DENND5B: variants seen among roughly 807,000 people sequenced by gnomAD.
DENND5B encodes the protein DENN domain-containing protein 5B.
In DENND5B, 34 loss-of-function variants were observed where a neutral mutation model predicts 140.6. The ratio of observed to expected loss-of-function variants is 0.24; its 90% CI spans 0.18 to 0.32. The LOEUF (loss-of-function observed/expected upper bound fraction) is 0.32. Among genes scored for constraint, DENND5B ranks in the 10% least tolerant of loss-of-function variants. The pLI is 1.00. For missense variants in DENND5B, 1,142 were observed against 1,560.2 expected, an observed-to-expected ratio of 0.73 and a Z score of 4.52; for synonymous variants, 551 against 562.1, an observed-to-expected ratio of 0.98 and a Z score of 0.28.
At chr12:31,562,159 G>A (rs1468187435) in intron 1 of DENND5B, among the ~76,000 whole-genome samples, 2 of 152,096 alleles carry the variant, frequency 1.3e-5, no homozygotes, top group African/African-American at 4.8e-5. Context: ...CTAGAAGTCA[G>A]AAAGACATGC....
At chr12:31,507,182 C>CT (rs145264306) in intron 1 of DENND5B, among the ~76,000 whole-genome samples, 142 of 145,094 alleles carry the variant, frequency 9.8e-4, no homozygotes, top group South Asian at 1.1e-3. Context: ...AGACAAATTC[C>CT]TTTTTTTTTT....
intron 2 of DENND5B, among the ~76,000 whole-genome samples, chr12:31,485,930 A>G (rs1946288697): frequency 6.6e-6 from 1 of 152,242 alleles, no homozygotes; most frequent in Non-Finnish European, 1.5e-5. Context: ...GAGCTTTCAG[A>G]TGATTTCAGT....
intron 1 of DENND5B, among the ~76,000 whole-genome samples, chr12:31,498,529 A>AACC (rs1390994771): frequency 1.3e-5 from 2 of 152,202 alleles, no homozygotes; most frequent in East Asian, 1.9e-4. Flanking sequence ...AGAAAAGCAA[A>AACC]ACCACCACCA....
At chr12:31,567,580 T>C (rs1374720030) in intron 1 of DENND5B, among the ~76,000 whole-genome samples, 1 of 144,366 alleles carries the variant, frequency 6.9e-6, no homozygotes, top group Non-Finnish European at 1.5e-5. Context: ...TCAAATCTCG[T>C]CCCAGTTTAA....
intron 3 of DENND5B, among the ~76,000 whole-genome samples, chr12:31,476,774 G>A (rs1200325880): frequency 6.6e-6 from 1 of 152,064 alleles, no homozygotes; most frequent in Non-Finnish European, 1.5e-5. Context: ...GGGCAACACA[G>A]TGAGACCCCA....
chr12:31,406,878 C>A (rs1942151668), intron 14 of DENND5B, among the ~76,000 whole-genome samples: 1 of 152,098 alleles, frequency 6.6e-6, no homozygotes, highest in Non-Finnish European at 1.5e-5. Flanking sequence ...TGGCTCACTG[C>A]AACCTCTGCC....
intron 1 of DENND5B, among the ~76,000 whole-genome samples, chr12:31,556,920 G>A (rs1592046133): frequency 6.6e-6 from 1 of 152,246 alleles, no homozygotes; most frequent in East Asian, 1.9e-4. Context: ...AAAAATGTGT[G>A]CAAAGATTTT....
chr12:31,572,183 C>A (rs1949847980), intron 1 of DENND5B, among the ~76,000 whole-genome samples: 1 of 151,728 alleles, frequency 6.6e-6, no homozygotes, highest in Admixed American at 6.6e-5. Flanking sequence ...GAGATCACAA[C>A]ACTGCACTCC....
rs1271194530 is a variant in DENND5B at position 31,421,883 on chromosome 12, C to G, written c.2470+1714G>C. ...ACTATTTTTTTAACAGAAAAACTGGCAGAGAAGATGGACACTAGAGAATGC... is the reference window on the plus strand; with the variant it reads ...ACTATTTTTTTAACAGAAAAACTGGGAGAGAAGATGGACACTAGAGAATGC... On this transcript the variant is annotated intron_variant, in intron 11 of 20. Coordinates refer to ENST00000389082, the MANE Select transcript of DENND5B (RefSeq NM_144973.4). Among the ~76,000 whole-genome samples the G allele has an allele frequency of 3.3e-5, 5 of 152,052 alleles. No individual in the cohort carries two copies. The East Asian group carries it at 9.6e-4, about 29-fold the overall frequency.
chr12:31,453,460 C>G (rs1451372580), intron 4 of DENND5B, among the ~76,000 whole-genome samples: 7 of 152,146 alleles, frequency 4.6e-5, no homozygotes, highest in African/African-American at 1.7e-4. Context: ...AGACTTCAAA[C>G]AGTATTTAAC....
At chr12:31,496,256 GA>G (rs994966734) in intron 1 of DENND5B, among the ~76,000 whole-genome samples, 5 of 152,156 alleles carry the variant, frequency 3.3e-5, no homozygotes, top group African/African-American at 1.2e-4. Context: ...CTTCAGAAAA[GA>G]AAAGTCTTAC....
At chr12:31,451,273 T>C (rs1166188917) in intron 5 of DENND5B, among the ~76,000 whole-genome samples, 2 of 152,146 alleles carry the variant, frequency 1.3e-5, no homozygotes, top group African/African-American at 4.8e-5. Context: ...TAAACAGTAT[T>C]AACAGATTTG....
intron 2 of DENND5B, among the ~76,000 whole-genome samples, chr12:31,493,723 C>T (rs143665008): frequency 3.3e-5 from 5 of 151,888 alleles, no homozygotes; most frequent in African/African-American, 9.7e-5. Context: ...CTCAGCTACT[C>T]GGGAGGCTGA....
chr12:31,431,115 T>C (rs566593576), intron 8 of DENND5B, among the ~76,000 whole-genome samples: 1 of 152,354 alleles, frequency 6.6e-6, no homozygotes, highest in Admixed American at 6.5e-5. Context: ...TCTTCTGAGA[T>C]TACTACTGTG....
chr12:31,432,120 T>C lies in DENND5B; in HGVS notation c.2106+1035A>G, dbSNP rs552981223. The C allele has an allele frequency of 3.0e-6, 3 of 985,110 alleles. No homozygotes were observed. The African/African-American group carries it at 5.2e-5, about 17-fold the overall frequency. The allele number at this position is 985,110 out of a possible 1,614,324, so 61.0% of individuals were successfully genotyped here. ...CCCTGGTCCCACTCCCAGAATGCCA[T>C]GGAGTTCTGACAGACCAAAAGTTCC... On this transcript the variant is annotated intron_variant, in intron 8 of 20. Transcript: ENST00000389082.
At chr12:31,542,640 A>G (rs1258467353) in intron 1 of DENND5B, among the ~76,000 whole-genome samples, 1 of 152,190 alleles carries the variant, frequency 6.6e-6, no homozygotes, top group Non-Finnish European at 1.5e-5. Context: ...TACATCTGCT[A>G]TGTATCCACA....
intron 1 of DENND5B, among the ~76,000 whole-genome samples, chr12:31,578,146 A>AC (rs1950086931): frequency 6.6e-6 from 1 of 151,516 alleles, no homozygotes; most frequent in Non-Finnish European, 1.5e-5. Flanking sequence ...AAAAAAAAAA[A>AC]AAAAACTACA....
chr12:31,403,261 C>T (rs562799462), intron 14 of DENND5B, among the ~76,000 whole-genome samples: 9 of 152,298 alleles, frequency 5.9e-5, no homozygotes, highest in East Asian at 3.9e-4. Context: ...GTGACTCACA[C>T]GCAAGAGGAG....
rs371190076 is a variant in DENND5B at position 31,424,650 on chromosome 12, G to A, written c.2276C>T (p.Ala759Val). 6.2e-6 allele frequency: 10 copies of A among 1,613,726 alleles called. No individual in the cohort carries two copies. Among genetic ancestry groups the A allele is most frequent in the South Asian group, 2.2e-5 (2 of 91,074 alleles). The change falls in exon 10 of 21, where the codon GCG becomes GTG. Residue 759 changes from alanine to valine, a missense_variant. By Grantham distance (64) the Ala-to-Val change is moderately conservative. Coordinates refer to ENST00000389082, the MANE Select transcript of DENND5B (RefSeq NM_144973.4). ...RMLVEKMGHE[A>V]VELGHGEANI... The stretch of plus-strand genomic sequence containing the variant: ...TGCTTCTCCATGGCCAAGTTCCACC[G>A]CTTCATGTCCCATCTTCTCCACCAA...
Sources: allele counts gnomAD v4.1 joint callset (sites outside exome capture counted in the v4.1 genomes callset), GRCh38; gene constraint gnomAD v4.1.1; transcripts MANE v1.5; gene names NCBI Gene and HGNC (gene_info 2026-07-23, HGNC 2026-07-21).